The following MYCBP2 variants were observed in gnomAD, a reference collection of about 807,000 sequenced individuals.
MYCBP2 encodes the protein E3 ubiquitin-protein ligase MYCBP2.
A neutral mutation model predicts 525.3 loss-of-function variants in MYCBP2; 120 were observed. The ratio of observed to expected loss-of-function variants is 0.23; its 90% CI spans 0.20 to 0.27. The LOEUF is 0.27. Among genes scored for constraint, MYCBP2 ranks in the 10% least tolerant of loss-of-function variants. The probability of loss-of-function intolerance (pLI) is 1.00; values close to 1 mark genes in which losing one functional copy is unlikely to be tolerated. For missense variants in MYCBP2, 4,149 were observed against 5,657.1 expected (o/e 0.73, Z 8.55); for synonymous variants, 1,894 against 1,955.8 (o/e 0.97, Z 0.83).
Position 77,090,138 on chromosome 13 carries a change from A to G in MYCBP2, c.10493T>C (p.Ile3498Thr). 1 of 1,612,202 alleles carries G rather than the reference A, an allele frequency of 6.2e-7. No homozygotes were observed. The highest frequency in any genetic ancestry group is 8.5e-7 in the Non-Finnish European group (1 of 1,178,972). The change falls in exon 60 of 83, where the codon ATT becomes ACT. Residue 3498 changes from isoleucine (I) to threonine (T), a missense_variant. Physicochemically the swap from Ile to Thr is moderately conservative, Grantham distance 89. Around this residue, in one of 21 missense-constraint regions of MYCBP2, gnomAD observed 509 missense variants for 789.4 expected, o/e 0.64. Coordinates refer to ENST00000544440, the MANE Select transcript of MYCBP2 (RefSeq NM_015057.5). Reference protein sequence around the residue: ...HSILPARVKAIPRRRVNSGDT... With the variant: ...HSILPARVKATPRRRVNSGDT... ...TCCACTGTTAACTCTTCTTCTAGGAATAGCTTTAACTCGTGCAGGTAAAAT... is the reference window on the plus strand; with the variant it reads ...TCCACTGTTAACTCTTCTTCTAGGAGTAGCTTTAACTCGTGCAGGTAAAAT...
intron 55 of MYCBP2, among the ~76,000 whole-genome samples, chr13:77,116,304 C>T (rs956268348): frequency 2.6e-5 from 4 of 151,864 alleles, no homozygotes; most frequent in Non-Finnish European, 5.9e-5. Context: ...GGGAAGTTCA[C>T]TAAGAATAAG....
chr13:77,206,516 G>A (rs1311940806), intron 24 of MYCBP2, 137 bp downstream of exon 24: 3 of 817,826 alleles, frequency 3.7e-6, no homozygotes, highest in Non-Finnish European at 3.5e-6. Context: ...TAGCCTCTTA[G>A]AGGATTTAAC....
At chr13:77,245,243 T>C (rs1421098839) in intron 15 of MYCBP2, among the ~76,000 whole-genome samples, 1 of 152,070 alleles carries the variant, frequency 6.6e-6, no homozygotes, top group Non-Finnish European at 1.5e-5. Flanking sequence ...GACCCAGCAG[T>C]CCCATTACTA....
chr13:77,152,532 C>A (rs1470689032), intron 46 of MYCBP2, among the ~76,000 whole-genome samples: 3 of 152,118 alleles, frequency 2.0e-5, no homozygotes, highest in Non-Finnish European at 4.4e-5. Context: ...GCCTTTTTGG[C>A]CAGCCCTGCC....
intron 29 of MYCBP2, among the ~76,000 whole-genome samples, chr13:77,190,012 G>C (rs1204278729): frequency 6.6e-6 from 1 of 151,948 alleles, no homozygotes; most frequent in Admixed American, 6.6e-5. Context: ...ATTGTTATTG[G>C]TATAATACAG....
At chr13:77,309,598 G>A (rs2079908463) in intron 1 of MYCBP2, among the ~76,000 whole-genome samples, 3 of 152,048 alleles carry the variant, frequency 2.0e-5, no homozygotes, top group Admixed American at 2.0e-4. Context: ...TATTATATTT[G>A]CACTTGAGAT....
rs527384335 is a variant in MYCBP2 at position 77,205,673 on chromosome 13, T to C, written c.3590-75A>G. 458 of 1,268,226 alleles carry C rather than the reference T, an allele frequency of 3.6e-4. 10 individuals carry two copies. The South Asian group carries it at 6.6e-3, about 18-fold the overall frequency. The allele number at this position is 1,268,226 out of a possible 1,614,324, so 78.6% of individuals were successfully genotyped here. ...ATGGTATTGATGACATTAAATGCTA[T>C]AGGGGATAAATTAAAATAAATAAAC... On this transcript the variant is annotated intron_variant, in intron 24 of 82. Coordinates refer to ENST00000544440, the MANE Select transcript of MYCBP2 (RefSeq NM_015057.5).
intron 55 of MYCBP2, among the ~76,000 whole-genome samples, chr13:77,117,498 T>C (rs1026138399): frequency 1.3e-5 from 2 of 152,130 alleles, no homozygotes; most frequent in East Asian, 1.9e-4. Context: ...ATGACCCTAA[T>C]AACAGTTATT....
chr13:77,079,235 T>C (rs1375431738), intron 65 of MYCBP2, among the ~76,000 whole-genome samples: 1 of 152,186 alleles, frequency 6.6e-6, no homozygotes. Flanking sequence ...TATATTTTCA[T>C]TACTTTTGGA....
chr13:77,098,034 C>A lies in MYCBP2; in HGVS notation c.9120G>T (p.Trp3040Cys). The part of the protein sequence containing the change: ...CARAVFASFL[W>C]HEGIVHDAMA... ...TTGCATCATGTACTATGCCTTCATG[C>A]CAGAGGAAGGAAGCAAACACAGCTC... The change falls in exon 56 of 83, where the codon TGG (tryptophan) becomes TGT (cysteine). Residue 3040 changes from tryptophan to cysteine, a missense_variant. Transcript: ENST00000544440. 1.2e-6 allele frequency: 2 copies of A among 1,613,538 alleles called. No individual in the cohort carries two copies. Among genetic ancestry groups the A allele is most frequent in the Non-Finnish European group, 1.7e-6 (2 of 1,179,786 alleles).
In MYCBP2 at chr13:77,070,939, C is replaced by T. The variant is rs528208865; in HGVS notation, c.11824-228G>A. On this transcript the variant is annotated intron_variant, in intron 68 of 82. Coordinates refer to ENST00000544440, the MANE Select transcript of MYCBP2 (RefSeq NM_015057.5). ...TTCAGAGAAGTATATTCTCCTTTCA[C>T]AAATTTCTTTAATGTAGTCAATTTG... Among the ~76,000 whole-genome samples, 75 of 152,200 alleles carry T rather than the reference C, an allele frequency of 4.9e-4. 1 individual carries two copies. In the Middle Eastern group the frequency reaches 0.01, roughly 21 times the overall value.
intron 21 of MYCBP2, among the ~76,000 whole-genome samples, 181 bp from the exon 22 acceptor site, chr13:77,212,341 A>G (rs531439070): frequency 1.3e-5 from 2 of 152,340 alleles, no homozygotes; most frequent in Admixed American, 6.5e-5. Flanking sequence ...ATAAAGTAAT[A>G]AAATAATTTC....
intron 59 of MYCBP2, among the ~76,000 whole-genome samples, chr13:77,092,772 T>C (rs1269952808): frequency 1.3e-5 from 2 of 152,098 alleles, no homozygotes; most frequent in African/African-American, 4.8e-5. Flanking sequence ...TCTATTCAGC[T>C]TTCCGAGAAG....
At chr13:77,074,466 A>G (rs986041556) in intron 68 of MYCBP2, among the ~76,000 whole-genome samples, 6 of 152,198 alleles carry the variant, frequency 3.9e-5, no homozygotes, top group African/African-American at 1.4e-4. Flanking sequence ...TCAAACTTAA[A>G]AACTTCTGTT....
At chr13:77,225,372 A>G in intron 19 of MYCBP2, 63 bp downstream of exon 19, 2 of 1,602,994 alleles carry the variant, frequency 1.2e-6, no homozygotes, top group Non-Finnish European at 1.7e-6. Flanking sequence ...ATCAAATCTG[A>G]AGAAATAAGT....
chr13:77,098,894 C>G lies in MYCBP2; in HGVS notation c.8260G>C (p.Asp2754His). 1 of 1,613,722 alleles carries G rather than the reference C, an allele frequency of 6.2e-7. No individual in the cohort carries two copies. The highest frequency in any genetic ancestry group is 8.5e-7 in the Non-Finnish European group (1 of 1,179,754). Reference protein sequence around the residue: ...PDGRMSRTTADQKKPRGTESL... With the variant: ...PDGRMSRTTAHQKKPRGTESL... ...TCTGTGCCCCTTGGCTTCTTCTGATCAGCAGTAGTCCGGCTCATACGTCCA... is the reference window on the plus strand; with the variant it reads ...TCTGTGCCCCTTGGCTTCTTCTGATGAGCAGTAGTCCGGCTCATACGTCCA... Residue 2754 changes from aspartate (D) to histidine (H), a missense_variant, in exon 56 of 83, where the codon GAT (aspartate) becomes CAT (histidine). This residue lies in a region of MYCBP2 where 653 missense variants were observed against 744.7 expected (regional missense o/e 0.88). Transcript: ENST00000544440.
At position 77,058,571 on chromosome 13, in the gene MYCBP2, A is replaced by G. The variant is rs2038630284; in HGVS notation, c.13141-165T>C. ...ATTTCTAATCTTTGTTTGAATATAA[A>G]TTAGGCTTCTTAACAAAGTTTTTTT... On this transcript the variant is annotated intron_variant, in intron 77 of 82. Coordinates refer to ENST00000544440, the MANE Select transcript of MYCBP2 (RefSeq NM_015057.5). The surrounding 1 kb of genome is among the most constrained non-coding windows in gnomAD (Gnocchi z 4.1). Among the ~76,000 whole-genome samples the G allele has an allele frequency of 6.6e-6, 1 of 152,178 alleles. No homozygotes were observed. The highest frequency in any genetic ancestry group is 1.5e-5 in the Non-Finnish European group (1 of 68,034).
chr13:77,177,520 C>T (rs568988386), intron 35 of MYCBP2, among the ~76,000 whole-genome samples: 7 of 151,600 alleles, frequency 4.6e-5, no homozygotes, highest in Non-Finnish European at 1.0e-4. Context: ...TAGGGTTTTG[C>T]CATATTGCCT....
intron 67 of MYCBP2, 119 bp from the exon 68 acceptor site, chr13:77,076,968 A>G (rs549501352): frequency 9.6e-4 from 1,059 of 1,103,024 alleles, no homozygotes; most frequent in Non-Finnish European, 1.3e-3. Context: ...AATATACACC[A>G]CTATTTTTCT....
Sources: allele counts gnomAD v4.1 joint callset (sites outside exome capture counted in the v4.1 genomes callset), GRCh38; gene constraint gnomAD v4.1.1; regional missense constraint gnomAD v4.1.1; non-coding constraint Gnocchi (gnomAD v3.1); transcripts MANE v1.5; gene names NCBI Gene and HGNC (gene_info 2026-07-23, HGNC 2026-07-21).